Variants in RASAL2 observed in about 807,000 individuals in gnomAD.
RASAL2 encodes ras GTPase-activating protein nGAP.
A neutral mutation model predicts 128.9 loss-of-function variants in RASAL2; 58 were observed. That is an observed-to-expected ratio of 0.45 (90% CI 0.36 to 0.56). The LOEUF is 0.56. Among genes scored for constraint, RASAL2 ranks in the 20% least tolerant of loss-of-function variants. The pLI, the probability that RASAL2 is intolerant of heterozygous loss-of-function variation, is 0.00. For missense variants in RASAL2, 1,360 were observed against 1,601.6 expected, an observed-to-expected ratio of 0.85 and a Z score of 2.57; for synonymous variants, 561 against 580.8, an observed-to-expected ratio of 0.97 and a Z score of 0.49.
chr1:178,249,040 T>G (rs1414737118), intron 1 of RASAL2, among the ~76,000 whole-genome samples: 1 of 152,074 alleles, frequency 6.6e-6, no homozygotes, highest in African/African-American at 2.4e-5. Flanking sequence ...CCTCAAGGAG[T>G]ATCTTTGTGG....
At chr1:178,231,488 A>G (rs1460600416) in intron 1 of RASAL2, among the ~76,000 whole-genome samples, 1 of 152,150 alleles carries the variant, frequency 6.6e-6, no homozygotes, top group African/African-American at 2.4e-5. Context: ...TGTGGCTTGC[A>G]TGTTGATTTT....
intron 4 of RASAL2, among the ~76,000 whole-genome samples, chr1:178,392,180 C>T (rs1056286122): frequency 1.3e-5 from 2 of 152,030 alleles, no homozygotes; most frequent in Non-Finnish European, 2.9e-5. Context: ...AGAAAAATGA[C>T]CAGATTCATA....
intron 1 of RASAL2, among the ~76,000 whole-genome samples, chr1:178,215,235 A>G (rs1239478234): frequency 6.6e-6 from 1 of 152,222 alleles, no homozygotes; most frequent in Non-Finnish European, 1.5e-5. Context: ...TCATGTAGCT[A>G]AGCTATATTT....
intron 1 of RASAL2, among the ~76,000 whole-genome samples, chr1:178,155,405 G>T: frequency 7.5e-6 from 1 of 134,084 alleles, no homozygotes; most frequent in Non-Finnish European, 1.6e-5. Context: ...GGCATTTTTA[G>T]AAAGTTTTTT....
intron 5 of RASAL2, among the ~76,000 whole-genome samples, chr1:178,421,489 A>C (rs560812897): frequency 7.9e-5 from 12 of 151,776 alleles, no homozygotes; most frequent in Admixed American, 7.9e-4. Flanking sequence ...CTCTCATGTA[A>C]TACAACAACC....
chr1:178,420,093 C>T (rs1675043909), intron 4 of RASAL2, among the ~76,000 whole-genome samples: 1 of 152,174 alleles, frequency 6.6e-6, no homozygotes, highest in South Asian at 2.1e-4. Flanking sequence ...TTTGCACATG[C>T]CATTTTCTTT....
At chr1:178,131,026 G>T (rs1660089818) in intron 1 of RASAL2, among the ~76,000 whole-genome samples, 1 of 148,880 alleles carries the variant, frequency 6.7e-6, no homozygotes, top group South Asian at 2.2e-4. Flanking sequence ...TGCAGTCCCA[G>T]CCTGGGTGAA....
chr1:178,165,815 C>G (rs781163465), intron 1 of RASAL2, among the ~76,000 whole-genome samples: 9 of 152,120 alleles, frequency 5.9e-5, no homozygotes, highest in East Asian at 1.9e-4. Context: ...AAGCTGAGGT[C>G]CAGAGAAAGT....
At chr1:178,299,696 C>G (rs1380899402) in intron 2 of RASAL2, among the ~76,000 whole-genome samples, 1 of 151,950 alleles carries the variant, frequency 6.6e-6, no homozygotes, top group Non-Finnish European at 1.5e-5. Context: ...AGGGTTTCAC[C>G]ATGTTGGCCA....
At chr1:178,403,659 C>A (rs1229588704) in intron 4 of RASAL2, among the ~76,000 whole-genome samples, 1 of 151,892 alleles carries the variant, frequency 6.6e-6, no homozygotes, top group Non-Finnish European at 1.5e-5. Context: ...GTATCTCATA[C>A]CTTACACAAG....
intron 1 of RASAL2, among the ~76,000 whole-genome samples, chr1:178,224,165 A>T (rs2102008575): frequency 6.6e-6 from 1 of 152,206 alleles, no homozygotes; most frequent in African/African-American, 2.4e-5. Flanking sequence ...TAGATAGAAA[A>T]TATTGAACCT....
intron 2 of RASAL2, among the ~76,000 whole-genome samples, chr1:178,294,650 G>A (rs963919127): frequency 6.6e-6 from 1 of 152,204 alleles, no homozygotes; most frequent in South Asian, 2.1e-4. Flanking sequence ...GAGAGCATGG[G>A]TGTGCAACAC....
At chr1:178,246,962 G>T (rs1210711610) in intron 1 of RASAL2, among the ~76,000 whole-genome samples, 1 of 152,130 alleles carries the variant, frequency 6.6e-6, no homozygotes, top group Non-Finnish European at 1.5e-5. Context: ...TGCTGAATCA[G>T]TTTGCCAGTA....
At position 178,473,278 on chromosome 1, in the gene RASAL2, C is replaced by T; in HGVS notation, c.*39C>T. 6.2e-7 allele frequency: 1 copy of T among 1,610,302 alleles called. No individual in the cohort carries two copies. The highest frequency in any genetic ancestry group is 8.5e-7 in the Non-Finnish European group (1 of 1,176,840). On this transcript the variant is annotated 3_prime_UTR_variant, in exon 18 of 18. Transcript: ENST00000367649. ...TGGAAGGAGACAGAAGGAAATTGAC[C>T]CACTCTCCTATCTCCAGACCTTTAC...
chr1:178,116,006 C>G (rs1659509686), intron 1 of RASAL2, among the ~76,000 whole-genome samples: 1 of 152,092 alleles, frequency 6.6e-6, no homozygotes, highest in Non-Finnish European at 1.5e-5. Flanking sequence ...AGTTTTTTCC[C>G]TAAACTGGAA....
intron 1 of RASAL2, among the ~76,000 whole-genome samples, chr1:178,259,366 C>T (rs1322236386): frequency 1.3e-5 from 2 of 151,880 alleles, no homozygotes; most frequent in South Asian, 2.1e-4. Flanking sequence ...CTCCTGACCT[C>T]GTGATCCGCC....
intron 2 of RASAL2, among the ~76,000 whole-genome samples, chr1:178,293,616 A>T (rs1667374633): frequency 6.6e-6 from 1 of 152,218 alleles, no homozygotes; most frequent in African/African-American, 2.4e-5. Flanking sequence ...AACAAAACAA[A>T]AAAGTCATAT....
chr1:178,348,388 C>T (rs984342531), intron 3 of RASAL2, among the ~76,000 whole-genome samples: 1 of 152,136 alleles, frequency 6.6e-6, no homozygotes, highest in Non-Finnish European at 1.5e-5. Context: ...AACCCCTTGG[C>T]TCAAGTGATT....
intron 1 of RASAL2, among the ~76,000 whole-genome samples, chr1:178,212,485 T>C (rs1663286097): frequency 6.6e-6 from 1 of 152,082 alleles, no homozygotes. Context: ...TGTAGACTTC[T>C]AACTCTTTTT....
Sources: gnomAD v4.1 joint callset for allele counts (sites outside exome capture counted in the v4.1 genomes callset) on GRCh38, gnomAD v4.1.1 for gene constraint, MANE v1.5 for transcripts, NCBI Gene and HGNC (gene_info 2026-07-23, HGNC 2026-07-21) for gene names.